ACTN4: variants seen among roughly 807,000 people sequenced by gnomAD.
ACTN4 encodes the protein alpha-actinin-4.
Under a neutral mutation model 114.2 loss-of-function variants are expected in ACTN4, and 18 were observed. The ratio of observed to expected loss-of-function variants is 0.16; its 90% CI spans 0.11 to 0.23. The LOEUF is 0.23. ACTN4 is among the 10% of genes least tolerant of loss of function. The probability of loss-of-function intolerance (pLI) is 1.00; values close to 1 mark genes in which losing one functional copy is unlikely to be tolerated. For synonymous variants in ACTN4, 515 were observed against 506.3 expected (o/e 1.02, Z -0.23); for missense variants, 722 against 1,262.9 (o/e 0.57, Z 6.49).
At position 38,727,861 on chromosome 19, in the gene ACTN4, C is replaced by T. The variant is rs893483223; in HGVS notation, c.2338-85C>T. On this transcript the variant is annotated intron_variant, in intron 18 of 20. Coordinates refer to ENST00000252699, the MANE Select transcript of ACTN4 (RefSeq NM_004924.6). This position sits in a 1 kb window ranked among gnomAD's most constrained non-coding sequence, Gnocchi z 5.4. ...TTCCCTCCCCTACGTGTCCCTTCCCCCTGCCCTCTGCATGTGACCCCGATC... is the reference window on the plus strand; with the variant it reads ...TTCCCTCCCCTACGTGTCCCTTCCCTCTGCCCTCTGCATGTGACCCCGATC... 24 of 1,311,104 alleles carry T rather than the reference C, an allele frequency of 1.8e-5. No individual in the cohort carries two copies. In the South Asian group the frequency reaches 2.5e-4, roughly 13 times the overall value. 81.2% of individuals were successfully genotyped at this position (1,311,104 alleles called of 1,614,324 possible). A position where few individuals can be genotyped will look rare whatever the true frequency, so the allele number is the denominator to read the frequency against.
intron 1 of ACTN4, among the ~76,000 whole-genome samples, chr19:38,659,342 C>A (rs1050651136): frequency 6.6e-6 from 1 of 152,024 alleles, no homozygotes; most frequent in Non-Finnish European, 1.5e-5. Context: ...CAGGTATGAG[C>A]CACCGCGCCC....
chr19:38,652,499 A>G (rs75659180), intron 1 of ACTN4, among the ~76,000 whole-genome samples: 2,140 of 152,146 alleles, frequency 0.014, 57 homozygotes, highest in African/African-American at 0.047. Flanking sequence ...CTAATCCTAA[A>G]CAATCCAGGG....
chr19:38,711,150 G>C (rs1306630154), intron 8 of ACTN4: 1 of 266,108 alleles, frequency 3.8e-6, no homozygotes, highest in East Asian at 1.7e-4. Flanking sequence ...ACGCAGGCCT[G>C]GGGCTGGCTT....
At chr19:38,705,268 A>G (rs537842865) in intron 4 of ACTN4, among the ~76,000 whole-genome samples, 167 of 152,156 alleles carry the variant, frequency 1.1e-3, no homozygotes, top group African/African-American at 3.9e-3. Context: ...CCCTCACGCC[A>G]CCCTCATGAG....
chr19:38,652,347 A>G lies in ACTN4; in HGVS notation c.162+4440A>G, dbSNP rs146619388. On this transcript the variant is annotated intron_variant, in intron 1 of 20. Coordinates refer to ENST00000252699, the MANE Select transcript of ACTN4 (RefSeq NM_004924.6). ...GTTCTCTCCCCTCATCCTCTCCAGA[A>G]TGTATTTTAGAACTTGACTCTTCTA... Among the ~76,000 whole-genome samples, 383 of 152,258 alleles carry G rather than the reference A, an allele frequency of 2.5e-3. 1 individual carries two copies. Among genetic ancestry groups the G allele is most frequent in the South Asian group, 0.021 (99 of 4,822 alleles).
intron 12 of ACTN4, 124 bp downstream of exon 12, chr19:38,721,812 C>T (rs1213133159): frequency 1.4e-6 from 2 of 1,388,906 alleles, no homozygotes; most frequent in Non-Finnish European, 2.0e-6. Context: ...AGTGCCCCAA[C>T]TGCACCTCCT....
At chr19:38,718,269 G>A in intron 11 of ACTN4, 195 bp downstream of exon 11, 1 of 975,158 alleles carries the variant, frequency 1.0e-6, no homozygotes, top group South Asian at 1.4e-5. Flanking sequence ...GCTCACACCT[G>A]TAATCCCAGC....
At chr19:38,662,820 A>G (rs776073216) in intron 1 of ACTN4, among the ~76,000 whole-genome samples, 3 of 151,848 alleles carry the variant, frequency 2.0e-5, no homozygotes, top group Non-Finnish European at 2.9e-5. Flanking sequence ...TCTTTCTATC[A>G]CACTATAAAG....
Position 38,720,570 on chromosome 19 carries a change from G to A in ACTN4, c.1292-968G>A, listed in dbSNP as rs1969006066. Among the ~76,000 whole-genome samples the A allele has an allele frequency of 2.0e-5, 3 of 152,272 alleles. No individual in the cohort carries two copies. In the South Asian group the frequency reaches 6.2e-4, roughly 31 times the overall value. ...GCCGATCCTGTGGGGAGTCTGGTAG[G>A]TGCCTGACAGTTGAGACTGGGAGAG... On this transcript the variant is annotated intron_variant, in intron 11 of 20. Coordinates refer to ENST00000252699, the MANE Select transcript of ACTN4 (RefSeq NM_004924.6).
chr19:38,718,867 C>T (rs938959882), intron 11 of ACTN4, among the ~76,000 whole-genome samples: 1 of 152,218 alleles, frequency 6.6e-6, no homozygotes, highest in South Asian at 2.1e-4. Flanking sequence ...TTCACTGGCA[C>T]GTCCCTCAGG....
intron 1 of ACTN4, among the ~76,000 whole-genome samples, chr19:38,673,111 T>A (rs1488579753): frequency 6.6e-6 from 1 of 151,292 alleles, no homozygotes; most frequent in Non-Finnish European, 1.5e-5. Context: ...CCTGGCCAGT[T>A]TTTGTGTTTT....
intron 8 of ACTN4, among the ~76,000 whole-genome samples, chr19:38,713,307 T>C (rs1438910189): frequency 6.6e-6 from 1 of 152,168 alleles, no homozygotes; most frequent in Non-Finnish European, 1.5e-5. Context: ...CGGTGAAACA[T>C]GATTCCCTTG....
chr19:38,687,400 G>C (rs1967782625), intron 1 of ACTN4, among the ~76,000 whole-genome samples: 1 of 152,128 alleles, frequency 6.6e-6, no homozygotes, highest in African/African-American at 2.4e-5. Flanking sequence ...CATTGCCCAG[G>C]GCCCACCTTG....
At chr19:38,696,899 C>T (rs991065974) in intron 1 of ACTN4, among the ~76,000 whole-genome samples, 7 of 152,202 alleles carry the variant, frequency 4.6e-5, no homozygotes, top group Admixed American at 1.3e-4. Context: ...ACAGAGTACA[C>T]GGAAGAGTTA....
At chr19:38,712,186 T>C (rs1968678644) in intron 8 of ACTN4, among the ~76,000 whole-genome samples, 2 of 152,142 alleles carry the variant, frequency 1.3e-5, no homozygotes, top group Admixed American at 6.5e-5. Context: ...TAGGCGCAGT[T>C]AGCCCCATTT....
intron 1 of ACTN4, among the ~76,000 whole-genome samples, chr19:38,658,053 C>A (rs374965750): frequency 6.6e-6 from 1 of 152,058 alleles, no homozygotes; most frequent in African/African-American, 2.4e-5. Flanking sequence ...TGTTAGGCCC[C>A]GGGCAGAAAA....
intron 1 of ACTN4, among the ~76,000 whole-genome samples, chr19:38,693,979 A>T (rs1164859461): frequency 6.6e-6 from 1 of 152,180 alleles, no homozygotes; most frequent in Non-Finnish European, 1.5e-5. Context: ...CAACCAGAGA[A>T]GCCTCTTTAA....
At chr19:38,682,992 A>C (rs1967626280) in intron 1 of ACTN4, among the ~76,000 whole-genome samples, 1 of 152,174 alleles carries the variant, frequency 6.6e-6, no homozygotes, top group African/African-American at 2.4e-5. Context: ...TGGCTCTTCC[A>C]CTAGACTGTA....
intron 1 of ACTN4, among the ~76,000 whole-genome samples, chr19:38,695,119 C>T (rs1462612389): frequency 6.6e-6 from 1 of 152,234 alleles, no homozygotes; most frequent in African/African-American, 2.4e-5. Context: ...AAGCAATCCT[C>T]CCGCCTCGGC....
Sources: allele counts gnomAD v4.1 joint callset (sites outside exome capture counted in the v4.1 genomes callset), GRCh38; gene constraint gnomAD v4.1.1; non-coding constraint Gnocchi (gnomAD v3.1); transcripts MANE v1.5; gene names NCBI Gene and HGNC (gene_info 2026-07-23, HGNC 2026-07-21).